Variants in ZNF69 observed in about 807,000 individuals in gnomAD.
ZNF69 encodes the protein zinc finger protein 69.
Under a neutral mutation model 50.9 loss-of-function variants are expected in ZNF69, and 47 were observed. The ratio of observed to expected loss-of-function variants is 0.92; its 90% CI spans 0.73 to 1.18. The LOEUF is 1.18. ZNF69 is among the 50% of genes most tolerant of loss of function. The probability of loss-of-function intolerance (pLI) is 0.00; values close to 1 mark genes in which losing one functional copy is unlikely to be tolerated. For synonymous variants in ZNF69, 216 were observed against 223.1 expected (o/e 0.97, Z 0.29); for missense variants, 717 against 675.1 (o/e 1.06, Z -0.69).
rs546368077 is a variant in ZNF69, at chr19:11,900,160, T to C, written c.64-3413T>C. Reference sequence around the variant, plus strand: ...GTAGAGACAGGGTTTCACCATGTTGTCCAGGCTGGTCTCAAACTTTTGACC... The same window carrying C: ...GTAGAGACAGGGTTTCACCATGTTGCCCAGGCTGGTCTCAAACTTTTGACC... On this transcript the variant is annotated intron_variant, in intron 1 of 3. Coordinates refer to ENST00000429654, the MANE Select transcript of ZNF69 (RefSeq NM_001364730.1). Among the ~76,000 whole-genome samples, 22 of 152,048 alleles carry C rather than the reference T, an allele frequency of 1.4e-4. No individual in the cohort carries two copies. The East Asian group carries it at 3.9e-3, about 27-fold the overall frequency.
chr19:11,959,111 T>G, the ZNF69 span, among the ~76,000 whole-genome samples: 1 of 152,124 alleles, frequency 6.6e-6, no homozygotes, highest in Non-Finnish European at 1.5e-5. Flanking sequence ...GGTCTCAAAG[T>G]CCTGACCTCA....
the ZNF69 span, among the ~76,000 whole-genome samples, chr19:11,945,343 A>G: frequency 1.3e-5 from 2 of 152,298 alleles, no homozygotes; most frequent in African/African-American, 2.4e-5. Flanking sequence ...TTAGGTTGCA[A>G]TAGGCTGCAG....
At chr19:11,935,846 A>C in the ZNF69 span, among the ~76,000 whole-genome samples, 1 of 152,138 alleles carries the variant, frequency 6.6e-6, no homozygotes, top group East Asian at 1.9e-4. Context: ...TCCTAAGGCT[A>C]TCCTCCTCCC....
chr19:11,978,547 C>T, the ZNF69 span: 1 of 1,614,226 alleles, frequency 6.2e-7, no homozygotes, highest in Non-Finnish European at 8.5e-7. Context: ...TGTGGGAAAG[C>T]TGTCCATTGT....
chr19:11,930,159 G>A, the ZNF69 span, among the ~76,000 whole-genome samples: 8 of 148,360 alleles, frequency 5.4e-5, no homozygotes, highest in Admixed American at 5.3e-4. Context: ...TACCCAGTTC[G>A]TGGGTGCTCA....
chr19:11,976,949 G>A, the ZNF69 span: 2 of 1,575,344 alleles, frequency 1.3e-6, no homozygotes, highest in Non-Finnish European at 1.7e-6. Context: ...TAAATGTTTG[G>A]AGTCCACGGC....
intron 1 of ZNF69, among the ~76,000 whole-genome samples, chr19:11,889,751 C>T (rs1024877778): frequency 6.6e-6 from 1 of 152,176 alleles, no homozygotes; most frequent in African/African-American, 2.4e-5. Flanking sequence ...GCTCAACATG[C>T]GAGGACCTGC....
Position 11,905,813 on chromosome 19 carries a change from C to G in ZNF69, c.1416C>G (p.His472Gln). ...HERTQTHVRI[H>Q]SGERPYKCKL... ...GGACACAAACACACGTAAGAATACA[C>G]TCTGGAGAAAGACCTTATAAATGTA... Residue 472 changes from histidine (H) to glutamine (Q), a missense_variant, in exon 4 of 4, where the codon CAC becomes CAG. His to Gln is a conservative substitution (Grantham distance 24). Coordinates refer to ENST00000429654, the MANE Select transcript of ZNF69 (RefSeq NM_001364730.1). The G allele has an allele frequency of 6.2e-7, 1 of 1,613,880 alleles. No individual in the cohort carries two copies. Among genetic ancestry groups the G allele is most frequent in the Non-Finnish European group, 8.5e-7 (1 of 1,180,010 alleles).
the ZNF69 span, among the ~76,000 whole-genome samples, chr19:11,938,595 T>C: frequency 1.3e-5 from 2 of 152,220 alleles, no homozygotes; most frequent in Non-Finnish European, 2.9e-5. Context: ...TAGTATTCCA[T>C]GTGTATATGT....
chr19:11,894,209 G>A (rs139019448), intron 1 of ZNF69, among the ~76,000 whole-genome samples: 2,146 of 151,900 alleles, frequency 0.014, 47 homozygotes, highest in African/African-American at 0.049. Context: ...TTGCTCAGTC[G>A]CCCAGGCTGG....
At chr19:11,966,810 A>G in the ZNF69 span, among the ~76,000 whole-genome samples, 1 of 152,188 alleles carries the variant, frequency 6.6e-6, no homozygotes, top group Non-Finnish European at 1.5e-5. Context: ...AATAATCGAA[A>G]GGTTCAGATT....
chr19:11,976,933 A>C, the ZNF69 span: 5 of 1,557,252 alleles, frequency 3.2e-6, no homozygotes, highest in South Asian at 4.8e-5. Flanking sequence ...TGACCAAAGC[A>C]GGGAATAAAT....
At chr19:11,962,498 A>G in the ZNF69 span, among the ~76,000 whole-genome samples, 2 of 152,140 alleles carry the variant, frequency 1.3e-5, no homozygotes, top group South Asian at 2.1e-4. Context: ...GTAGCTGGGA[A>G]TAAAGGCACA....
At chr19:11,977,235 G>A in the ZNF69 span, 1 of 1,607,526 alleles carries the variant, frequency 6.2e-7, no homozygotes, top group Non-Finnish European at 8.5e-7. Flanking sequence ...ATGCTGTTGA[G>A]TCATTTGGAA....
At chr19:11,933,533 C>G in the ZNF69 span, among the ~76,000 whole-genome samples, 1 of 147,716 alleles carries the variant, frequency 6.8e-6, no homozygotes, top group Non-Finnish European at 1.5e-5. Flanking sequence ...TCCCCTCCCT[C>G]TTCTGCCACC....
chr19:11,934,957 G>T, the ZNF69 span, among the ~76,000 whole-genome samples: 1 of 147,216 alleles, frequency 6.8e-6, no homozygotes, highest in Non-Finnish European at 1.5e-5. Flanking sequence ...AAGGCGGGTG[G>T]ATCAGGAGGT....
At chr19:11,946,094 C>A in the ZNF69 span, among the ~76,000 whole-genome samples, 2 of 152,160 alleles carry the variant, frequency 1.3e-5, no homozygotes, top group African/African-American at 4.8e-5. Context: ...GAGCCTGGTC[C>A]CCCTTAGTCC....
At chr19:11,949,757 A>G in the ZNF69 span, 93 of 1,611,862 alleles carry the variant, frequency 5.8e-5, no homozygotes, top group Non-Finnish European at 7.5e-5. Flanking sequence ...TCTGCCTCAC[A>G]CCTTCGAATG....
At chr19:11,973,339 C>A in the ZNF69 span, among the ~76,000 whole-genome samples, 316 of 152,210 alleles carry the variant, frequency 2.1e-3, no homozygotes, top group African/African-American at 7.1e-3. Context: ...AAAAATATGC[C>A]TTGAAGGTCT....
Sources: gnomAD v4.1 joint callset for allele counts (sites outside exome capture counted in the v4.1 genomes callset) on GRCh38, gnomAD v4.1.1 for gene constraint, MANE v1.5 for transcripts, NCBI Gene and HGNC (gene_info 2026-07-23, HGNC 2026-07-21) for gene names.